The following STK4 variants were observed in gnomAD, a reference collection of about 807,000 sequenced individuals.
The protein encoded by STK4 is serine/threonine-protein kinase 4.
In STK4, 30 loss-of-function variants were observed where a neutral mutation model predicts 64.9. The observed-to-expected ratio is 0.46, with a 90% CI of 0.35 to 0.63. The LOEUF is 0.63. Ranked by LOEUF, STK4 falls within the 20% of genes least tolerant of loss-of-function variation. The pLI is 0.01. For missense variants in STK4, 466 were observed against 598.5 expected (o/e 0.78, Z 2.31); for synonymous variants, 177 against 199.0 (o/e 0.89, Z 0.93).
At chr20:45,057,970 G>A (rs372180591) in intron 10 of STK4, among the ~76,000 whole-genome samples, 5 of 150,888 alleles carry the variant, frequency 3.3e-5, no homozygotes, top group East Asian at 3.9e-4. Flanking sequence ...TACAGAATAA[G>A]GATTAAACAA....
intron 4 of STK4, among the ~76,000 whole-genome samples, chr20:44,983,732 T>G (rs1483551436): frequency 1.3e-5 from 2 of 152,164 alleles, no homozygotes; most frequent in Non-Finnish European, 1.5e-5. Context: ...AAAATAAGAA[T>G]AATAATATCT....
rs200105994 is a variant in STK4, at chr20:44,981,813, GTCTCTC to G, written c.246-8_246-3del. The G allele has an allele frequency of 1.4e-6, 2 of 1,436,176 alleles. No homozygotes were observed. Among genetic ancestry groups the G allele is most frequent in the Non-Finnish European group, 2.0e-6 (2 of 1,023,338 alleles). 89.0% of individuals were successfully genotyped at this position (1,436,176 alleles called of 1,614,324 possible). A position where few individuals can be genotyped will look rare whatever the true frequency, so the allele number is the denominator to read the frequency against. ...GAAGGCCATTTTATTAATTTGTATTGTCTCTCTCTCTCTAGCCCTCATGTAGTCAAA... is the reference window on the plus strand; with the variant it reads ...GAAGGCCATTTTATTAATTTGTATTGTCTCTCTAGCCCTCATGTAGTCAAA... On this transcript the variant is annotated splice_polypyrimidine_tract_variant and intron_variant, in intron 3 of 10. Transcript: ENST00000372806.
intron 5 of STK4, among the ~76,000 whole-genome samples, chr20:44,989,011 CATTTT>C: frequency 6.6e-6 from 1 of 152,166 alleles, no homozygotes; most frequent in South Asian, 2.1e-4. Context: ...GGCTGTAACA[CATTTT>C]GTTTACTTAT....
chr20:45,029,551 T>G (rs1234022664), intron 10 of STK4, among the ~76,000 whole-genome samples: 1 of 152,248 alleles, frequency 6.6e-6, no homozygotes, highest in African/African-American at 2.4e-5. Context: ...GTTGATATTC[T>G]TGTTACATAG....
chr20:45,026,373 A>G (rs1568733699), intron 10 of STK4, among the ~76,000 whole-genome samples: 1 of 150,926 alleles, frequency 6.6e-6, no homozygotes, highest in Non-Finnish European at 1.5e-5. Context: ...AAATAAGAGT[A>G]GTCAAGGAAG....
At chr20:44,995,032 C>T (rs1461658886) in intron 5 of STK4, 58 bp from the exon 6 acceptor site, 7 of 1,267,924 alleles carry the variant, frequency 5.5e-6, no homozygotes, top group Admixed American at 5.4e-5. Flanking sequence ...TAGACTTCCT[C>T]TGTGGACATC....
intron 4 of STK4, among the ~76,000 whole-genome samples, chr20:44,982,274 G>T (rs1601196234): frequency 6.6e-6 from 1 of 151,478 alleles, no homozygotes. Flanking sequence ...GTACCACCAT[G>T]CCCAGCTAAT....
intron 10 of STK4, among the ~76,000 whole-genome samples, chr20:45,037,369 C>G (rs927017374): frequency 6.6e-6 from 1 of 151,872 alleles, no homozygotes; most frequent in East Asian, 1.9e-4. Flanking sequence ...GCCCAATGTA[C>G]CCTTTTTTGC....
At chr20:45,036,931 A>G (rs1044036582) in intron 10 of STK4, among the ~76,000 whole-genome samples, 1 of 152,140 alleles carries the variant, frequency 6.6e-6, no homozygotes. Flanking sequence ...TACAATAAAT[A>G]TGTACAAACT....
rs76728103 is a variant in STK4, at chr20:44,991,116, G to C, written c.525+3820G>C. On this transcript the variant is annotated intron_variant, in intron 5 of 10. Transcript: ENST00000372806. Reference sequence around the variant, plus strand: ...TAGTATCTTTTTGAGTGAGTTTTGAGAGATAGTGAAAGTAAAATGTATTTG... The same window carrying C: ...TAGTATCTTTTTGAGTGAGTTTTGACAGATAGTGAAAGTAAAATGTATTTG... 3.0e-3 allele frequency among the ~76,000 whole-genome samples: 455 copies of C among 152,236 alleles called. 2 individuals carry two copies. Among genetic ancestry groups the C allele is most frequent in the African/African-American group, 0.01 (433 of 41,538 alleles).
At chr20:45,049,140 A>G (rs2068740650) in intron 10 of STK4, among the ~76,000 whole-genome samples, 1 of 152,156 alleles carries the variant, frequency 6.6e-6, no homozygotes, top group South Asian at 2.1e-4. Flanking sequence ...GTACCCTTTC[A>G]TCAAGCAGAG....
At chr20:44,992,163 A>C (rs1050216619) in intron 5 of STK4, among the ~76,000 whole-genome samples, 1 of 151,842 alleles carries the variant, frequency 6.6e-6, no homozygotes, top group Admixed American at 6.6e-5. Flanking sequence ...CTTTTATCTT[A>C]TGGTTTCTAT....
chr20:44,968,328 G>A (rs1295811317), intron 1 of STK4, among the ~76,000 whole-genome samples: 2 of 152,138 alleles, frequency 1.3e-5, no homozygotes, highest in African/African-American at 4.8e-5. Context: ...TAGTAGAGAC[G>A]GGGTTTCACC....
intron 1 of STK4, chr20:44,967,190 T>C (rs2067165085): frequency 4.1e-6 from 4 of 985,260 alleles, no homozygotes; most frequent in Non-Finnish European, 4.8e-6. Flanking sequence ...CACTGTAGGA[T>C]GGCATCTTTT....
At chr20:45,038,612 T>C (rs1286672077) in intron 10 of STK4, among the ~76,000 whole-genome samples, 1 of 152,040 alleles carries the variant, frequency 6.6e-6, no homozygotes, top group Non-Finnish European at 1.5e-5. Context: ...GCTGATTGCA[T>C]CTAAGTGGTC....
chr20:45,039,801 A>G (rs2068584139), intron 10 of STK4, among the ~76,000 whole-genome samples: 1 of 152,174 alleles, frequency 6.6e-6, no homozygotes, highest in South Asian at 2.1e-4. Flanking sequence ...AGAATGCAAT[A>G]ACTGCTGACA....
intron 9 of STK4, among the ~76,000 whole-genome samples, chr20:45,012,443 G>A (rs2068067543): frequency 6.6e-6 from 1 of 152,126 alleles, no homozygotes; most frequent in African/African-American, 2.4e-5. Context: ...TGCCATCTCT[G>A]TGTTAATTCT....
intron 2 of STK4, chr20:44,975,291 A>G: frequency 1.1e-6 from 1 of 917,312 alleles, no homozygotes; most frequent in Non-Finnish European, 1.3e-6. Flanking sequence ...TGATTGCTGA[A>G]ATCTTCTAAC....
At chr20:45,036,766 A>G (rs1352402876) in intron 10 of STK4, among the ~76,000 whole-genome samples, 1 of 152,168 alleles carries the variant, frequency 6.6e-6, no homozygotes, top group Non-Finnish European at 1.5e-5. Flanking sequence ...TAACAACTTT[A>G]TAAATTAAAC....
Sources: gnomAD v4.1 joint callset for allele counts (sites outside exome capture counted in the v4.1 genomes callset) on GRCh38, gnomAD v4.1.1 for gene constraint, MANE v1.5 for transcripts, NCBI Gene and HGNC (gene_info 2026-07-23, HGNC 2026-07-21) for gene names.